Variants in CTNND2 observed in about 807,000 individuals in gnomAD.
CTNND2 encodes catenin delta-2.
Under a neutral mutation model 144.4 loss-of-function variants are expected in CTNND2, and 22 were observed. The observed-to-expected ratio is 0.15, with a 90% confidence interval of 0.11 to 0.22. CTNND2 has a LOEUF of 0.22. Ranked by LOEUF, CTNND2 falls within the 10% of genes least tolerant of loss-of-function variation. CTNND2 has a pLI of 1.00. For synonymous variants in CTNND2, 751 were observed against 695.6 expected, an observed-to-expected ratio of 1.08 and a Z score of -1.25; for missense variants, 1,353 against 1,618.8, an observed-to-expected ratio of 0.84 and a Z score of 2.82.
At chr5:11,481,562 C>G (rs1358675416) in intron 3 of CTNND2, among the ~76,000 whole-genome samples, 1 of 151,880 alleles carries the variant, frequency 6.6e-6, no homozygotes, top group African/African-American at 2.4e-5. Flanking sequence ...AAGGTCATGC[C>G]ACTGCACTGC....
chr5:11,484,488 T>C (rs1178799403), intron 3 of CTNND2, among the ~76,000 whole-genome samples: 3 of 152,188 alleles, frequency 2.0e-5, no homozygotes, highest in Non-Finnish European at 4.4e-5. Flanking sequence ...AGACAGCACA[T>C]TTCTGTACTA....
chr5:11,444,971 G>T (rs1764674413), intron 3 of CTNND2, among the ~76,000 whole-genome samples: 1 of 152,182 alleles, frequency 6.6e-6, no homozygotes, highest in African/African-American at 2.4e-5. Context: ...TGAGGGGCTT[G>T]CTTGTCCTGA....
chr5:11,512,095 A>G (rs1354746094), intron 3 of CTNND2, among the ~76,000 whole-genome samples: 1 of 152,076 alleles, frequency 6.6e-6, no homozygotes, highest in Non-Finnish European at 1.5e-5. Flanking sequence ...TCATTCCCCA[A>G]CCAATATAGC....
chr5:11,680,167 A>C (rs980814812), intron 2 of CTNND2, among the ~76,000 whole-genome samples: 4 of 152,168 alleles, frequency 2.6e-5, no homozygotes, highest in African/African-American at 9.7e-5. Flanking sequence ...GCTGAGAAAC[A>C]GGGAGAAGGC....
At chr5:11,094,301 C>T (rs1009306488) in intron 15 of CTNND2, among the ~76,000 whole-genome samples, 2 of 152,066 alleles carry the variant, frequency 1.3e-5, no homozygotes, top group Non-Finnish European at 2.9e-5. Flanking sequence ...TGACAGAGGG[C>T]CAACTTTATG....
chr5:11,265,930 T>C (rs1745396663), intron 9 of CTNND2, among the ~76,000 whole-genome samples: 1 of 152,102 alleles, frequency 6.6e-6, no homozygotes, highest in Admixed American at 6.5e-5. Context: ...CAGGCTGGTC[T>C]GGAACTCCTG....
intron 3 of CTNND2, among the ~76,000 whole-genome samples, chr5:11,519,968 AT>A (rs1772565958): frequency 6.7e-6 from 1 of 148,666 alleles, no homozygotes; most frequent in African/African-American, 2.6e-5. Flanking sequence ...GTGAAACCCC[AT>A]TTCTACTAAA....
intron 17 of CTNND2, among the ~76,000 whole-genome samples, chr5:11,018,772 G>A (rs867695238): frequency 2.3e-4 from 35 of 149,602 alleles, no homozygotes; most frequent in African/African-American, 6.9e-4. Flanking sequence ...GTGCAGTGGC[G>A]AGATCTTGGC....
intron 17 of CTNND2, among the ~76,000 whole-genome samples, chr5:11,021,986 G>A (rs189633977): frequency 2.0e-5 from 3 of 152,242 alleles, no homozygotes; most frequent in South Asian, 2.1e-4. Context: ...ATACCGATGC[G>A]CTGGCTTGTG....
intron 2 of CTNND2, among the ~76,000 whole-genome samples, chr5:11,670,916 G>T (rs762097733): frequency 6.6e-6 from 1 of 152,120 alleles, no homozygotes; most frequent in African/African-American, 2.4e-5. Context: ...GTTGGTACTG[G>T]TTATTCTTTT....
intron 2 of CTNND2, among the ~76,000 whole-genome samples, chr5:11,598,345 A>T (rs1358001123): frequency 1.3e-5 from 2 of 152,146 alleles, no homozygotes; most frequent in Non-Finnish European, 2.9e-5. Context: ...CGTGCTGATG[A>T]GGAGAAATTC....
intron 1 of CTNND2, among the ~76,000 whole-genome samples, chr5:11,772,773 A>G (rs1250903073): frequency 2.6e-5 from 4 of 152,190 alleles, no homozygotes; most frequent in Non-Finnish European, 4.4e-5. Context: ...GGAGTCCGGA[A>G]ATCTGGGGCA....
intron 11 of CTNND2, among the ~76,000 whole-genome samples, chr5:11,184,667 T>G (rs1353313581): frequency 2.6e-5 from 4 of 152,216 alleles, no homozygotes; most frequent in Admixed American, 2.6e-4. Context: ...AGATTAATCC[T>G]TGTTCACTAT....
At chr5:11,511,391 G>C (rs543365620) in intron 3 of CTNND2, among the ~76,000 whole-genome samples, 2 of 152,068 alleles carry the variant, frequency 1.3e-5, no homozygotes, top group African/African-American at 2.4e-5. Context: ...GCAGGGATCC[G>C]CCTTGGTGGT....
chr5:11,624,795 G>A (rs767658095), intron 2 of CTNND2, among the ~76,000 whole-genome samples: 5 of 152,090 alleles, frequency 3.3e-5, no homozygotes, highest in Admixed American at 6.5e-5. Context: ...CCAACATTAA[G>A]GAATTCCAAA....
At chr5:11,570,706 T>C (rs1247359531) in intron 2 of CTNND2, among the ~76,000 whole-genome samples, 2 of 152,086 alleles carry the variant, frequency 1.3e-5, no homozygotes, top group Non-Finnish European at 2.9e-5. Context: ...TGTGGTGACA[T>C]ATCTTGATAT....
intron 2 of CTNND2, chr5:11,588,700 C>T (rs1779029534): frequency 1.1e-6 from 1 of 952,330 alleles, no homozygotes; most frequent in Non-Finnish European, 1.3e-6. Flanking sequence ...CATTGAAAAA[C>T]CAAACGCGGT....
chr5:11,548,893 T>A (rs565580552), intron 3 of CTNND2, among the ~76,000 whole-genome samples: 4 of 152,356 alleles, frequency 2.6e-5, no homozygotes, highest in Non-Finnish European at 5.9e-5. Flanking sequence ...AAAACTAAAT[T>A]CTGATTAATT....
At chr5:10,989,931 C>T (rs752625709) in intron 19 of CTNND2, among the ~76,000 whole-genome samples, 5 of 152,298 alleles carry the variant, frequency 3.3e-5, no homozygotes, top group South Asian at 4.1e-4. Context: ...GAAGCCATCA[C>T]GGGTTTTGGA....
Sources: allele counts gnomAD v4.1 joint callset (sites outside exome capture counted in the v4.1 genomes callset), GRCh38; gene constraint gnomAD v4.1.1; transcripts MANE v1.5; gene names NCBI Gene and HGNC (gene_info 2026-07-23, HGNC 2026-07-21).